The following DMRT1 variants were observed in gnomAD, a reference collection of about 807,000 sequenced individuals.
DMRT1 encodes the protein doublesex and mab-3 related transcription factor 1, also known as doublesex- and mab-3-related transcription factor 1.
Under a neutral mutation model 32.3 loss-of-function variants are expected in DMRT1, and 7 were observed. The ratio of observed to expected loss-of-function variants is 0.22; its 90% CI spans 0.12 to 0.41. DMRT1 has a LOEUF of 0.41. DMRT1 is among the 10% of genes least tolerant of loss of function. The pLI is 1.00. For missense variants in DMRT1, 625 were observed against 500.5 expected (o/e 1.25, Z -2.37); for synonymous variants, 278 against 206.1 (o/e 1.35, Z -2.99).
chr9:968,216 G>T lies in DMRT1; in HGVS notation c.*77G>T, dbSNP rs1348771241. On this transcript the variant is annotated 3_prime_UTR_variant, in exon 5 of 5. Coordinates refer to ENST00000382276, the MANE Select transcript of DMRT1 (RefSeq NM_021951.3). Reference sequence around the variant, plus strand: ...TTTCCATGGGGTTTGTTAATATTTTGCATTGACTCATACTATCTTAACTGT... The same window carrying T: ...TTTCCATGGGGTTTGTTAATATTTTTCATTGACTCATACTATCTTAACTGT... The T allele has an allele frequency of 8.1e-5, 126 of 1,546,356 alleles. No homozygotes were observed. Among genetic ancestry groups the T allele is most frequent in the Non-Finnish European group, 1.1e-4 (121 of 1,132,120 alleles).
chr9:956,711 CA>C (rs1819614448), intron 4 of DMRT1, among the ~76,000 whole-genome samples: 1 of 151,966 alleles, frequency 6.6e-6, no homozygotes, highest in Admixed American at 6.6e-5. Flanking sequence ...ATTTGTTGAC[CA>C]GGGGAAGAAA....
At chr9:902,302 G>A (rs2057429) in intron 3 of DMRT1, among the ~76,000 whole-genome samples, 95,565 of 150,924 alleles carry the variant, frequency 0.63, 32,557 homozygotes, top group East Asian at 0.88. Flanking sequence ...GTTGATACCC[G>A]TTGTCTCTCG....
chr9:930,624 G>A (rs954886891), intron 4 of DMRT1, among the ~76,000 whole-genome samples: 8 of 151,898 alleles, frequency 5.3e-5, no homozygotes, highest in Non-Finnish European at 1.0e-4. Context: ...TAGCCAGGAT[G>A]GTCTCGATCT....
chr9:888,549 C>T (rs1191743011), intron 2 of DMRT1, among the ~76,000 whole-genome samples: 1 of 152,150 alleles, frequency 6.6e-6, no homozygotes, highest in African/African-American at 2.4e-5. Flanking sequence ...AACCTTGTAC[C>T]TCGGCCTCCC....
chr9:843,423 A>G (rs77433701), intron 1 of DMRT1, among the ~76,000 whole-genome samples: 1,587 of 152,354 alleles, frequency 0.01, 24 homozygotes, highest in African/African-American at 0.037. Flanking sequence ...TGCATTCTCG[A>G]CCGAAGATTA....
chr9:865,254 G>A (rs1306702635), intron 2 of DMRT1, among the ~76,000 whole-genome samples: 1 of 152,170 alleles, frequency 6.6e-6, no homozygotes, highest in African/African-American at 2.4e-5. Flanking sequence ...AGGACTCTCA[G>A]TGAAAGAACC....
At chr9:932,818 A>T (rs7863654) in intron 4 of DMRT1, among the ~76,000 whole-genome samples, 41,703 of 152,020 alleles carry the variant, frequency 0.27, 8,112 homozygotes, top group African/African-American at 0.55. Context: ...TACTTACTCT[A>T]AGCAGTTTTT....
chr9:900,069 C>A (rs1817513784), intron 3 of DMRT1, among the ~76,000 whole-genome samples: 2 of 152,208 alleles, frequency 1.3e-5, no homozygotes, highest in African/African-American at 4.8e-5. Flanking sequence ...TGCTGGGGAT[C>A]TACCACTGAA....
At chr9:845,978 G>A (rs1247245657) in intron 1 of DMRT1, among the ~76,000 whole-genome samples, 1 of 150,738 alleles carries the variant, frequency 6.6e-6, no homozygotes, top group Non-Finnish European at 1.5e-5. Flanking sequence ...CTCTTGTGGT[G>A]TTGGTCTCAG....
chr9:924,114 C>T (rs1818445681), intron 4 of DMRT1, among the ~76,000 whole-genome samples: 1 of 148,512 alleles, frequency 6.7e-6, no homozygotes. Flanking sequence ...CTCTGTCTCC[C>T]AGGCTGGAGT....
intron 4 of DMRT1, among the ~76,000 whole-genome samples, chr9:949,763 CTG>C (rs1819369652): frequency 2.0e-5 from 3 of 152,188 alleles, no homozygotes; most frequent in Non-Finnish European, 4.4e-5. Flanking sequence ...TACTCTGCTT[CTG>C]TGGGTTTGGC....
intron 2 of DMRT1, among the ~76,000 whole-genome samples, chr9:867,536 C>T (rs1816044167): frequency 6.6e-6 from 1 of 152,190 alleles, no homozygotes; most frequent in African/African-American, 2.4e-5. Flanking sequence ...TTTATATTTT[C>T]ATTTAATCTT....
chr9:878,540 A>G (rs1413386716), intron 2 of DMRT1, among the ~76,000 whole-genome samples: 2 of 152,084 alleles, frequency 1.3e-5, no homozygotes. Flanking sequence ...CACCAAACGC[A>G]CTCAAGGCTA....
chr9:902,264 T>C (rs7857864), intron 3 of DMRT1, among the ~76,000 whole-genome samples: 11,622 of 149,522 alleles, frequency 0.078, 921 homozygotes, highest in African/African-American at 0.19. Context: ...ATGTTTTTTG[T>C]TAATGCTCTT....
intron 4 of DMRT1, among the ~76,000 whole-genome samples, chr9:946,547 C>T (rs1165545245): frequency 6.6e-6 from 1 of 152,150 alleles, no homozygotes; most frequent in Admixed American, 6.5e-5. Flanking sequence ...CGGCATAGTC[C>T]ATCTCTGCCT....
intron 4 of DMRT1, among the ~76,000 whole-genome samples, chr9:962,178 G>A (rs143296596): frequency 9.2e-5 from 14 of 152,262 alleles, no homozygotes; most frequent in African/African-American, 2.9e-4. Flanking sequence ...ACCCCTGGAC[G>A]GGACTAGTCA....
intron 2 of DMRT1, among the ~76,000 whole-genome samples, chr9:885,147 G>T (rs1187436406): frequency 6.6e-6 from 1 of 152,154 alleles, no homozygotes; most frequent in Admixed American, 6.5e-5. Context: ...CAGGCCGTGG[G>T]GCTCCGACCC....
chr9:900,693 T>A, intron 3 of DMRT1, among the ~76,000 whole-genome samples: 1 of 152,038 alleles, frequency 6.6e-6, no homozygotes, highest in East Asian at 1.9e-4. Context: ...TTAATTTTTT[T>A]TTTTTTTTGG....
Position 968,374 on chromosome 9 carries a change from A to T in DMRT1, c.*235A>T. On this transcript the variant is annotated 3_prime_UTR_variant, in exon 5 of 5. Transcript: ENST00000382276. ...TCACGGAGTTTAAATAATAGTGTTC[A>T]TTTTTTTAATGACACTGGTTTCATG... 2.0e-6 allele frequency: 1 copy of T among 504,502 alleles called. No homozygotes were observed. The highest frequency in any genetic ancestry group is 3.5e-6 in the Non-Finnish European group (1 of 282,222). 31.3% of individuals were successfully genotyped at this position (504,502 alleles called of 1,614,324 possible). A position where few individuals can be genotyped will look rare whatever the true frequency, so the allele number is the denominator to read the frequency against.
Sources: gnomAD v4.1 joint callset for allele counts (sites outside exome capture counted in the v4.1 genomes callset) on GRCh38, gnomAD v4.1.1 for gene constraint, MANE v1.5 for transcripts, NCBI Gene and HGNC (gene_info 2026-07-23, HGNC 2026-07-21) for gene names.